The following FOLH1 variants were observed in gnomAD, a reference collection of about 807,000 sequenced individuals.
The protein encoded by FOLH1 is glutamate carboxypeptidase 2.
A neutral mutation model predicts 93.9 loss-of-function variants in FOLH1; 54 were observed. The observed-to-expected ratio is 0.57, with a 90% confidence interval of 0.46 to 0.72. The LOEUF (loss-of-function observed/expected upper bound fraction) is 0.72. FOLH1 is among the 30% of genes least tolerant of loss of function. The pLI is 0.00. For missense variants in FOLH1, 571 were observed against 892.5 expected (o/e 0.64, Z 4.59); for synonymous variants, 249 against 303.6 (o/e 0.82, Z 1.87).
At chr11:49,208,215 G>T in intron 1 of FOLH1, 77 bp downstream of exon 1, 1 of 1,084,968 alleles carries the variant, frequency 9.2e-7, no homozygotes, top group Non-Finnish European at 1.3e-6. Context: ...ATCCCACTCG[G>T]CAGCTGACCC....
At chr11:49,148,831 A>T (rs1014620270) in intron 17 of FOLH1, 100 bp from the exon 18 acceptor site, 6 of 1,078,262 alleles carry the variant, frequency 5.6e-6, no homozygotes, top group Non-Finnish European at 7.6e-6. Flanking sequence ...ATCTCCGGGG[A>T]TTGGTTTCAG....
chr11:49,170,456 C>A (rs1388749180), intron 11 of FOLH1, among the ~76,000 whole-genome samples: 1 of 151,998 alleles, frequency 6.6e-6, no homozygotes, highest in Non-Finnish European at 1.5e-5. Context: ...CTCTATTAAA[C>A]ATAAAAAAAT....
chr11:49,192,810 G>T lies in FOLH1; in HGVS notation c.496C>A (p.Pro166Thr). ...GTTTTTACCTCTGGCATTCCTTGAGGAGAGAAAGCACTGAAAGGTGGTACA... is the reference window on the plus strand; with the variant it reads ...GTTTTTACCTCTGGCATTCCTTGAGTAGAGAAAGCACTGAAAGGTGGTACA... ...DIVPPFSAFS[P>T]QGMPEGDLVY... Residue 166 changes from proline to threonine, a missense_variant, in exon 4 of 19, where the codon CCT (proline) becomes ACT (threonine). Transcript: ENST00000256999. 3 of 1,605,886 alleles carry T rather than the reference G, an allele frequency of 1.9e-6. No homozygotes were observed. The highest frequency in any genetic ancestry group is 4.5e-5 in the East Asian group (2 of 44,526).
At chr11:49,154,655 T>C (rs1446646170) in intron 15 of FOLH1, among the ~76,000 whole-genome samples, 163 bp from the exon 16 acceptor site, 1 of 152,216 alleles carries the variant, frequency 6.6e-6, no homozygotes, top group African/African-American at 2.4e-5. Context: ...TTATGATACA[T>C]AAACACATTC....
intron 11 of FOLH1, 70 bp downstream of exon 11, chr11:49,171,125 T>C (rs397834365): frequency 4.8e-5 from 70 of 1,451,754 alleles, no homozygotes; most frequent in Non-Finnish European, 5.2e-5. Flanking sequence ...CTTATTTTTA[T>C]GTGCTTGGCA....
At chr11:49,150,829 G>A (rs959806338) in intron 17 of FOLH1, among the ~76,000 whole-genome samples, 1 of 152,124 alleles carries the variant, frequency 6.6e-6, no homozygotes, top group Non-Finnish European at 1.5e-5. Context: ...TTAATTAACT[G>A]AGAAAAATCA....
intron 2 of FOLH1, among the ~76,000 whole-genome samples, chr11:49,204,636 C>T (rs140017474): frequency 0.013 from 1,962 of 152,198 alleles, 46 homozygotes; most frequent in African/African-American, 0.045. Flanking sequence ...ACATTTAAAA[C>T]GGCCCTTCCA....
At chr11:49,181,389 T>C (rs112426080) in intron 7 of FOLH1, among the ~76,000 whole-genome samples, 2 of 152,128 alleles carry the variant, frequency 1.3e-5, no homozygotes, top group East Asian at 3.9e-4. Flanking sequence ...GGATTACAAG[T>C]GTGAGCCACC....
intron 2 of FOLH1, among the ~76,000 whole-genome samples, chr11:49,203,974 AGGGAG>A (rs1863561928): frequency 6.6e-6 from 1 of 152,206 alleles, no homozygotes; most frequent in East Asian, 1.9e-4. Context: ...TGCAGACTCC[AGGGAG>A]AAGCAACTTC....
At chr11:49,175,984 G>A in intron 7 of FOLH1, 27 bp from the exon 8 acceptor site, 1 of 1,603,274 alleles carries the variant, frequency 6.2e-7, no homozygotes, top group Non-Finnish European at 8.5e-7. Flanking sequence ...AACATTATTA[G>A]CCACAAAAAA....
intron 7 of FOLH1, among the ~76,000 whole-genome samples, chr11:49,179,722 A>G (rs1010060879): frequency 3.3e-5 from 5 of 152,218 alleles, no homozygotes; most frequent in African/African-American, 2.4e-5. Flanking sequence ...ACTCTAAAGC[A>G]TAAGAAAGGA....
intron 1 of FOLH1, 42 bp downstream of exon 1, chr11:49,208,250 C>A: frequency 7.2e-7 from 1 of 1,382,650 alleles, no homozygotes; most frequent in Non-Finnish European, 9.8e-7. Flanking sequence ...CGCGGCACCA[C>A]GGGGAAGACT....
chr11:49,191,450 T>C (rs866240092), intron 4 of FOLH1, among the ~76,000 whole-genome samples: 79 of 152,314 alleles, frequency 5.2e-4, no homozygotes, highest in African/African-American at 1.8e-3. Flanking sequence ...AGCAAACCCA[T>C]ACAACATGTG....
In FOLH1 at chr11:49,146,736, G is replaced by A. The variant is rs374114868; in HGVS notation, c.*20C>T. 1.2e-4 allele frequency: 192 copies of A among 1,574,614 alleles called. 3 individuals carry two copies. The East Asian group carries it at 2.6e-3, about 21-fold the overall frequency. ...GTGACATACCACACAAATTCAATACGGATTCTCTAAAGAATCCTCTTAGGC... is the reference window on the plus strand; with the variant it reads ...GTGACATACCACACAAATTCAATACAGATTCTCTAAAGAATCCTCTTAGGC... On this transcript the variant is annotated 3_prime_UTR_variant, in exon 19 of 19. Coordinates refer to ENST00000256999, the MANE Select transcript of FOLH1 (RefSeq NM_004476.3).
chr11:49,158,345 C>A (rs1439828114), intron 13 of FOLH1, among the ~76,000 whole-genome samples: 1 of 152,088 alleles, frequency 6.6e-6, no homozygotes, highest in East Asian at 1.9e-4. Context: ...ATCTTTTTGT[C>A]TATTTTTCTG....
intron 10 of FOLH1, among the ~76,000 whole-genome samples, chr11:49,173,005 C>T (rs1183141106): frequency 1.3e-5 from 2 of 152,282 alleles, no homozygotes; most frequent in East Asian, 3.9e-4. Flanking sequence ...GACGGAGGAA[C>T]GTCTGCTTAC....
Position 49,208,548 on chromosome 11 carries a change from C to A in FOLH1, c.-139G>T, listed in dbSNP as rs1864238317. On this transcript the variant is annotated 5_prime_UTR_variant, in exon 1 of 19. Transcript: ENST00000256999. ...CTTATCAGCCCTGCAGGCTGGAATTCGCTCCAGACCTGGGGTCCAGTTTCT... is the reference window on the plus strand; with the variant it reads ...CTTATCAGCCCTGCAGGCTGGAATTAGCTCCAGACCTGGGGTCCAGTTTCT... 2 of 573,054 alleles carry A rather than the reference C, an allele frequency of 3.5e-6. No homozygotes were observed. The highest frequency in any genetic ancestry group is 6.1e-5 in the East Asian group (2 of 32,804). 35.5% of individuals were successfully genotyped at this position (573,054 alleles called of 1,614,324 possible).
chr11:49,167,816 A>C (rs1230678651), intron 12 of FOLH1, among the ~76,000 whole-genome samples: 1 of 152,086 alleles, frequency 6.6e-6, no homozygotes, highest in Non-Finnish European at 1.5e-5. Context: ...GACTCAAAAC[A>C]AACAAGCAGA....
At chr11:49,160,257 A>T (rs1374704583) in intron 13 of FOLH1, among the ~76,000 whole-genome samples, 1 of 151,280 alleles carries the variant, frequency 6.6e-6, no homozygotes, top group Non-Finnish European at 1.5e-5. Context: ...TTTTTTATTA[A>T]TTTTTTTCAA....
Sources: gnomAD v4.1 joint callset for allele counts (sites outside exome capture counted in the v4.1 genomes callset) on GRCh38, gnomAD v4.1.1 for gene constraint, MANE v1.5 for transcripts, NCBI Gene and HGNC (gene_info 2026-07-23, HGNC 2026-07-21) for gene names.